Variants in KDELR1 observed in about 807,000 individuals in gnomAD.
The protein encoded by KDELR1 is ER lumen protein-retaining receptor 1.
KDELR1 carries 16 observed loss-of-function variants against 25.5 expected under a neutral mutation model. That is an observed-to-expected ratio of 0.63 (90% CI 0.43 to 0.95). The LOEUF (loss-of-function observed/expected upper bound fraction) is 0.95, where lower values mean the gene tolerates loss of function less well. Ranked by LOEUF, KDELR1 falls within the 40% of genes least tolerant of loss-of-function variation. The pLI, the probability that KDELR1 is intolerant of heterozygous loss-of-function variation, is 0.00. For missense variants in KDELR1, 159 were observed against 265.2 expected (o/e 0.60, Z 2.78); for synonymous variants, 121 against 115.0 (o/e 1.05, Z -0.33).
intron 3 of KDELR1, 30 bp downstream of exon 3, chr19:48,389,523 C>T: frequency 6.2e-7 from 1 of 1,613,054 alleles, no homozygotes; most frequent in Non-Finnish European, 8.5e-7. Flanking sequence ...AACCATCCCC[C>T]CAAATAAGGA....
chr19:48,391,524 A>G lies in KDELR1; in HGVS notation c.-166T>C. ...CTTTGGGAGGGGGAGCAAAGGCTGG[A>G]GCTGGCGGCGGAGCTGGAGCCGGGA... is the stretch of plus-strand genomic sequence containing the variant. On this transcript the variant is annotated 5_prime_UTR_variant, in exon 1 of 5. Transcript: ENST00000330720. The G allele has an allele frequency of 1.7e-6, 1 of 605,428 alleles. No individual in the cohort carries two copies. Among genetic ancestry groups the G allele is most frequent in the Non-Finnish European group, 2.9e-6 (1 of 340,578 alleles). The allele number at this position is 605,428 out of a possible 1,614,324, so 37.5% of individuals were successfully genotyped here. A position where few individuals can be genotyped will look rare whatever the true frequency, so the allele number is the denominator to read the frequency against.
rs148437330 is a variant in KDELR1, at chr19:48,389,360, A to C, written c.351+193T>G. On this transcript the variant is annotated intron_variant, in intron 3 of 4. Coordinates refer to ENST00000330720, the MANE Select transcript of KDELR1 (RefSeq NM_006801.3). ...AGTAGGTGAAATGCTTAGGGTAGTG[A>C]CTGACACATAGCGAGTCTTGCTGCT... 978 of 620,170 alleles carry C rather than the reference A, an allele frequency of 1.6e-3. 8 individuals carry two copies. In the African/African-American group the frequency reaches 0.016, roughly 10 times the overall value. 38.4% of individuals were successfully genotyped at this position (620,170 alleles called of 1,614,324 possible).
chr19:48,387,128 G>A (rs531965766), intron 3 of KDELR1, among the ~76,000 whole-genome samples: 20 of 148,098 alleles, frequency 1.4e-4, no homozygotes, highest in Admixed American at 1.2e-3. Context: ...TCAGCAAGCC[G>A]CACTACCTCC....
In KDELR1 at chr19:48,391,422, G is replaced by A; in HGVS notation, c.-64C>T. 1 of 1,346,400 alleles carries A rather than the reference G, an allele frequency of 7.4e-7. No homozygotes were observed. The allele number at this position is 1,346,400 out of a possible 1,614,324, so 83.4% of individuals were successfully genotyped here. A position where few individuals can be genotyped will look rare whatever the true frequency, so the allele number is the denominator to read the frequency against. ...AGGCTGGCGGGGGGGTGCCCCCCGA[G>A]GCTGCTGGTCTGAACGGGTAGCTGG... is the stretch of plus-strand genomic sequence containing the variant. On this transcript the variant is annotated 5_prime_UTR_variant, in exon 1 of 5. Coordinates refer to ENST00000330720, the MANE Select transcript of KDELR1 (RefSeq NM_006801.3).
Position 48,385,434 on chromosome 19 carries a change from C to A in KDELR1, c.352-952G>T, listed in dbSNP as rs575781727. Among the ~76,000 whole-genome samples, 4 of 152,312 alleles carry A rather than the reference C, an allele frequency of 2.6e-5. No homozygotes were observed. In the South Asian group the frequency reaches 8.3e-4, roughly 32 times the overall value. ...GCTGGGATCCTACTTCTTGTTCACC[C>A]CGTGGCCCTAGCACCTAGCACAGTT... On this transcript the variant is annotated intron_variant, in intron 3 of 4. Coordinates refer to ENST00000330720, the MANE Select transcript of KDELR1 (RefSeq NM_006801.3).
At chr19:48,389,438 TA>T in intron 3 of KDELR1, 114 bp downstream of exon 3, 1 of 1,269,600 alleles carries the variant, frequency 7.9e-7, no homozygotes. Flanking sequence ...TTATGCATCC[TA>T]AAATAAGGCA....
Position 48,391,363 on chromosome 19 carries a change from G to A in KDELR1, c.-5C>T. The stretch of plus-strand genomic sequence containing the variant: ...CAGGAATCGGAAGAGATTCATGGCT[G>A]GGGAACCCTGGCAGGGCTGAGCGGG... On this transcript the variant is annotated 5_prime_UTR_variant, in exon 1 of 5. Coordinates refer to ENST00000330720, the MANE Select transcript of KDELR1 (RefSeq NM_006801.3). The A allele has an allele frequency of 1.9e-6, 3 of 1,552,084 alleles. No individual in the cohort carries two copies. The highest frequency in any genetic ancestry group is 2.6e-6 in the Non-Finnish European group (3 of 1,147,160).
rs202246931 is a variant in KDELR1, at chr19:48,383,228, TTCA to T, written c.*62_*64del. 1.6e-3 allele frequency: 2,357 copies of T among 1,509,104 alleles called. 20 individuals carry two copies. The African/African-American group carries it at 0.024, about 15-fold the overall frequency. 93.5% of individuals were successfully genotyped at this position (1,509,104 alleles called of 1,614,324 possible). A position where few individuals can be genotyped will look rare whatever the true frequency, so the allele number is the denominator to read the frequency against. On this transcript the variant is annotated 3_prime_UTR_variant, in exon 5 of 5. Transcript: ENST00000330720. ...AAGTCACCCCTGGATGGGAAAGCTC[TTCA>T]TCTTCTGCCGCCTTCCTCTGCCTCC...
Position 48,391,405 on chromosome 19 carries a change from G to T in KDELR1, c.-47C>A, listed in dbSNP as rs1457241793. ...CTGAGCGGGAGGGAGGCAGGCTGGC[G>T]GGGGGGTGCCCCCCGAGGCTGCTGG... On this transcript the variant is annotated 5_prime_UTR_variant, in exon 1 of 5. Coordinates refer to ENST00000330720, the MANE Select transcript of KDELR1 (RefSeq NM_006801.3). 3 of 1,434,700 alleles carry T rather than the reference G, an allele frequency of 2.1e-6. No homozygotes were observed. In the South Asian group the frequency reaches 3.7e-5, roughly 18 times the overall value. 88.9% of individuals were successfully genotyped at this position (1,434,700 alleles called of 1,614,324 possible).
At chr19:48,390,143 G>A in intron 2 of KDELR1, 1 of 336,084 alleles carries the variant, frequency 3.0e-6, no homozygotes, top group Non-Finnish European at 5.3e-6. Flanking sequence ...AGGAGTCCAG[G>A]CCCCAGTCCC....
chr19:48,389,969 A>G (rs560045964), intron 2 of KDELR1, among the ~76,000 whole-genome samples: 24 of 72,018 alleles, frequency 3.3e-4, no homozygotes, highest in South Asian at 1.2e-3. Flanking sequence ...CAGGCCCCCA[A>G]CCCCTCCTCC....
At chr19:48,396,043 C>G (rs921638986), upstream of KDELR1, among the ~76,000 whole-genome samples, 4 of 152,052 alleles carry the variant, frequency 2.6e-5, no homozygotes, top group Admixed American at 6.5e-5. Flanking sequence ...TAGGGGATAG[C>G]GCTTCCGTCT....
At chr19:48,386,823 T>C (rs972546522) in intron 3 of KDELR1, among the ~76,000 whole-genome samples, 2 of 151,984 alleles carry the variant, frequency 1.3e-5, no homozygotes, top group Non-Finnish European at 2.9e-5. Flanking sequence ...TCCCAGCACT[T>C]TGGAAGGCTG....
Position 48,384,989 on chromosome 19 carries a change from C to T in KDELR1, c.352-507G>A, listed in dbSNP as rs1469827726. ...GCAACCTCTGCCTCTTGGGTTCAAG[C>T]GTTTCTCCTGCCTCAGCCTCCTGAG... On this transcript the variant is annotated intron_variant, in intron 3 of 4. Coordinates refer to ENST00000330720, the MANE Select transcript of KDELR1 (RefSeq NM_006801.3). This position sits in a 1 kb window ranked among gnomAD's most constrained non-coding sequence, Gnocchi z 4.6. Among the ~76,000 whole-genome samples the T allele has an allele frequency of 1.3e-5, 2 of 151,208 alleles. No homozygotes were observed. The highest frequency in any genetic ancestry group is 2.1e-4 in the South Asian group (1 of 4,802).
Position 48,384,089 on chromosome 19 carries a change from G to T in KDELR1, c.604+141C>A. 1 of 1,012,794 alleles carries T rather than the reference G, an allele frequency of 9.9e-7. No homozygotes were observed. Among genetic ancestry groups the T allele is most frequent in the African/African-American group, 1.6e-5 (1 of 62,000 alleles). The allele number at this position is 1,012,794 out of a possible 1,614,324, so 62.7% of individuals were successfully genotyped here. On this transcript the variant is annotated intron_variant, in intron 4 of 4. Coordinates refer to ENST00000330720, the MANE Select transcript of KDELR1 (RefSeq NM_006801.3). The surrounding 1 kb of genome is among the most constrained non-coding windows in gnomAD (Gnocchi z 4.6). The stretch of plus-strand genomic sequence containing the variant: ...AACGGTCTGAATTCCTAGGAGGATG[G>T]TAGGCCTGCCACCCCAGAAACCCGG...
chr19:48,388,133 T>G (rs1970510696), intron 3 of KDELR1, among the ~76,000 whole-genome samples: 1 of 152,228 alleles, frequency 6.6e-6, no homozygotes, highest in African/African-American at 2.4e-5. Flanking sequence ...ACATAGGAAC[T>G]GATTATCTCC....
chr19:48,382,903 G>A lies in KDELR1; in HGVS notation c.*390C>T, dbSNP rs1409165477. ...GCAGATTTAGTGTTTGGCAACCAGT[G>A]GGGCTGGGGGTGGGATCTGGGAGGG... On this transcript the variant is annotated 3_prime_UTR_variant, in exon 5 of 5. Coordinates refer to ENST00000330720, the MANE Select transcript of KDELR1 (RefSeq NM_006801.3). 1 of 191,402 alleles carries A rather than the reference G, an allele frequency of 5.2e-6. No homozygotes were observed. Among genetic ancestry groups the A allele is most frequent in the Non-Finnish European group, 1.1e-5 (1 of 92,822 alleles). 11.9% of individuals were successfully genotyped at this position (191,402 alleles called of 1,614,324 possible).
At chr19:48,388,735 G>T (rs897670755) in intron 3 of KDELR1, among the ~76,000 whole-genome samples, 1 of 140,168 alleles carries the variant, frequency 7.1e-6, no homozygotes, top group Non-Finnish European at 1.5e-5. Flanking sequence ...AAGGAAGAAA[G>T]GAAGAAAGGA....
chr19:48,395,444 C>A (rs1231243473), upstream of KDELR1, among the ~76,000 whole-genome samples: 2 of 152,014 alleles, frequency 1.3e-5, no homozygotes, highest in Non-Finnish European at 2.9e-5. Flanking sequence ...TCTGGAACAC[C>A]CTTCCAGCCT....
Sources: gnomAD v4.1 joint callset for allele counts (sites outside exome capture counted in the v4.1 genomes callset) on GRCh38, gnomAD v4.1.1 for gene constraint, Gnocchi (gnomAD v3.1) non-coding constraint, MANE v1.5 for transcripts, NCBI Gene and HGNC (gene_info 2026-07-23, HGNC 2026-07-21) for gene names.